ST3GAL3: variants seen among roughly 807,000 people sequenced by gnomAD.
ST3GAL3 encodes the protein CMP-N-acetylneuraminate-beta-1,4-galactoside alpha-2,3-sialyltransferase.
In ST3GAL3, 21 loss-of-function variants were observed where a neutral mutation model predicts 50.1. The ratio of observed to expected loss-of-function variants is 0.42; its 90% CI spans 0.30 to 0.60. The LOEUF (loss-of-function observed/expected upper bound fraction) is 0.60, where lower values mean the gene tolerates loss of function less well. ST3GAL3 is among the 20% of genes least tolerant of loss of function. ST3GAL3 has a pLI of 0.19. For synonymous variants in ST3GAL3, 183 were observed against 190.0 expected, an observed-to-expected ratio of 0.96 and a Z score of 0.30; for missense variants, 353 against 489.4, an observed-to-expected ratio of 0.72 and a Z score of 2.63.
At chr1:43,751,628 T>C (rs1410150034) in intron 2 of ST3GAL3, among the ~76,000 whole-genome samples, 1 of 152,202 alleles carries the variant, frequency 6.6e-6, no homozygotes, top group Non-Finnish European at 1.5e-5. Context: ...TGCATATGTA[T>C]ACAGATAGGT....
In ST3GAL3 at chr1:43,827,954, TGAAGAA is replaced by T. The variant is rs150503325; in HGVS notation, c.210-10258_210-10253del. On this transcript the variant is annotated intron_variant, in intron 4 of 11. Transcript: ENST00000347631. Reference sequence around the variant, plus strand: ...AGGCAGAAGACCCAGAATCTACTGATGAAGAAGAAGAAAGTTGGAAGATTGACAGTA... The same window carrying T: ...AGGCAGAAGACCCAGAATCTACTGATGAAGAAAGTTGGAAGATTGACAGTA... Among the ~76,000 whole-genome samples the T allele has an allele frequency of 4.2e-4, 64 of 152,302 alleles. 2 individuals carry two copies. The East Asian group carries it at 0.012, about 28-fold the overall frequency.
chr1:43,857,538 C>G (rs984179454), intron 5 of ST3GAL3, among the ~76,000 whole-genome samples: 1 of 133,656 alleles, frequency 7.5e-6, no homozygotes, highest in African/African-American at 2.8e-5. Flanking sequence ...TCCTTCCCTC[C>G]CTCCCTCCCT....
intron 5 of ST3GAL3, among the ~76,000 whole-genome samples, chr1:43,843,400 T>A (rs1416862274): frequency 6.6e-6 from 1 of 152,224 alleles, no homozygotes; most frequent in Non-Finnish European, 1.5e-5. Flanking sequence ...TTCTCATTAA[T>A]TGATTTTTGA....
At chr1:43,921,784 A>G (rs750781238) in intron 11 of ST3GAL3, 1 of 398,882 alleles carries the variant, frequency 2.5e-6, no homozygotes, top group Non-Finnish European at 4.4e-6. Flanking sequence ...GAAGCCACAG[A>G]GGGGACTCTG....
intron 11 of ST3GAL3, among the ~76,000 whole-genome samples, chr1:43,926,200 G>A (rs1015803525): frequency 2.0e-5 from 3 of 152,196 alleles, no homozygotes; most frequent in African/African-American, 7.2e-5. Flanking sequence ...ATAAGGATGA[G>A]ATTTCCCAGA....
Position 43,920,514 on chromosome 1 carries a change from TG to T in ST3GAL3, c.857del (p.Gly286AlafsTer22). ...FIQEAAFTLI[G>X]LPFNNGLMGR... is the part of the protein sequence containing the mutation. ...TCCAGGAGGCCGCCTTCACCCTCAT[TG>T]GCCTGCCCTTCAACAATGGCCTCAT... On this transcript the variant is annotated frameshift_variant, in exon 10 of 12. Transcript: ENST00000347631. LOFTEE classifies it high-confidence loss of function. The T allele has an allele frequency of 6.2e-7, 1 of 1,613,662 alleles. No homozygotes were observed. The highest frequency in any genetic ancestry group is 2.2e-5 in the East Asian group (1 of 44,814).
intron 2 of ST3GAL3, among the ~76,000 whole-genome samples, chr1:43,746,980 G>T (rs1002692810): frequency 2.0e-5 from 3 of 148,924 alleles, no homozygotes; most frequent in African/African-American, 7.4e-5. Flanking sequence ...TGGCCAGGCT[G>T]GTGTCAAAAT....
chr1:43,806,827 C>A (rs1417731071), intron 3 of ST3GAL3, among the ~76,000 whole-genome samples: 1 of 152,086 alleles, frequency 6.6e-6, no homozygotes, highest in Admixed American at 6.5e-5. Context: ...GTAGCTGGGA[C>A]CACAGGTGCA....
At chr1:43,870,726 T>G (rs2072493929) in intron 5 of ST3GAL3, among the ~76,000 whole-genome samples, 1 of 151,918 alleles carries the variant, frequency 6.6e-6, no homozygotes, top group Non-Finnish European at 1.5e-5. Context: ...CGGGAGAGCC[T>G]GTGATGGGAA....
At chr1:43,789,266 T>A (rs2057743597) in intron 2 of ST3GAL3, among the ~76,000 whole-genome samples, 1 of 152,160 alleles carries the variant, frequency 6.6e-6, no homozygotes, top group African/African-American at 2.4e-5. Context: ...CAGCAAAAGA[T>A]GATAGGCACA....
intron 1 of ST3GAL3, among the ~76,000 whole-genome samples, chr1:43,713,386 A>G (rs992689849): frequency 3.3e-5 from 5 of 152,206 alleles, no homozygotes; most frequent in Non-Finnish European, 7.3e-5. Context: ...GTCTTGAGCT[A>G]TTAGTAGATC....
intron 9 of ST3GAL3, among the ~76,000 whole-genome samples, chr1:43,904,191 A>G (rs1464486610): frequency 6.6e-6 from 1 of 152,088 alleles, no homozygotes; most frequent in Admixed American, 6.5e-5. Flanking sequence ...GCAGGGCTGG[A>G]CCGTAGGGCA....
chr1:43,853,112 G>A (rs1416128297), intron 5 of ST3GAL3, among the ~76,000 whole-genome samples: 1 of 152,164 alleles, frequency 6.6e-6, no homozygotes, highest in Non-Finnish European at 1.5e-5. Flanking sequence ...GGCTTTTTGT[G>A]CTTTGGTGAA....
At chr1:43,743,843 T>TC (rs10599480) in intron 2 of ST3GAL3, 20,483 of 135,184 alleles carry the variant, frequency 0.15, 1,729 homozygotes, top group South Asian at 0.25. Context: ...ATTCTTTCAT[T>TC]CCCCCCCCCC....
At chr1:43,799,262 T>C (rs959805512) in intron 3 of ST3GAL3, among the ~76,000 whole-genome samples, 20 of 152,368 alleles carry the variant, frequency 1.3e-4, no homozygotes, top group Non-Finnish European at 2.1e-4. Context: ...ATTGAGCATA[T>C]GTTATTTTAA....
At chr1:43,928,531 C>T (rs903658213) in intron 11 of ST3GAL3, among the ~76,000 whole-genome samples, 2 of 151,816 alleles carry the variant, frequency 1.3e-5, no homozygotes, top group Admixed American at 6.6e-5. Context: ...ACCCGGGGGG[C>T]GGAGGTTGCA....
At position 43,905,559 on chromosome 1, in the gene ST3GAL3, T is replaced by C. The variant is rs377231630; in HGVS notation, c.744+5832T>C. Among the ~76,000 whole-genome samples the C allele has an allele frequency of 2.6e-3, 257 of 98,276 alleles. 4 individuals carry two copies. The highest frequency in any genetic ancestry group is 3.2e-3 in the East Asian group (9 of 2,794). The allele number at this position is 98,276 out of a possible 152,430, so 64.5% of individuals were successfully genotyped here. ...CTCCCCCTCCTTCTGCTCCTATTCCTGCCACTGTTTCTCCCCCTCCTCCTG... is the reference window on the plus strand; with the variant it reads ...CTCCCCCTCCTTCTGCTCCTATTCCCGCCACTGTTTCTCCCCCTCCTCCTG... On this transcript the variant is annotated intron_variant, in intron 9 of 11. Coordinates refer to ENST00000347631, the MANE Select transcript of ST3GAL3 (RefSeq NM_006279.5).
intron 5 of ST3GAL3, among the ~76,000 whole-genome samples, chr1:43,860,132 T>G (rs916392802): frequency 1.3e-5 from 2 of 152,202 alleles, no homozygotes; most frequent in African/African-American, 4.8e-5. Flanking sequence ...TGACCACTGG[T>G]TGGATCAGGC....
chr1:43,900,880 G>A (rs2078169481), intron 9 of ST3GAL3: 1 of 152,432 alleles, frequency 6.6e-6, no homozygotes, highest in African/African-American at 2.4e-5. Context: ...AACCAGACTG[G>A]ATGAGACACC....
Sources: allele counts gnomAD v4.1 joint callset (sites outside exome capture counted in the v4.1 genomes callset), GRCh38; gene constraint gnomAD v4.1.1; transcripts MANE v1.5; gene names NCBI Gene and HGNC (gene_info 2026-07-23, HGNC 2026-07-21).